PTH2R: variants seen among roughly 807,000 people sequenced by gnomAD.
PTH2R encodes the protein PTH2 receptor.
Under a neutral mutation model 60.3 loss-of-function variants are expected in PTH2R, and 59 were observed. The ratio of observed to expected loss-of-function variants is 0.98; its 90% confidence interval spans 0.79 to 1.22. PTH2R has a LOEUF of 1.22. PTH2R is among the 50% of genes most tolerant of loss of function. The probability of loss-of-function intolerance (pLI) is 0.00; values close to 1 mark genes in which losing one functional copy is unlikely to be tolerated. For synonymous variants in PTH2R, 256 were observed against 243.8 expected, an observed-to-expected ratio of 1.05 and a Z score of -0.47; for missense variants, 749 against 682.6, an observed-to-expected ratio of 1.10 and a Z score of -1.08.
chr2:208,444,003 A>G (rs2105872405), intron 6 of PTH2R, among the ~76,000 whole-genome samples: 1 of 152,240 alleles, frequency 6.6e-6, no homozygotes, highest in East Asian at 1.9e-4. Context: ...GATTGATCCA[A>G]TAATTCACTC....
chr2:208,422,659 C>CT (rs1170757321), intron 1 of PTH2R, among the ~76,000 whole-genome samples: 1 of 151,978 alleles, frequency 6.6e-6, no homozygotes, highest in Non-Finnish European at 1.5e-5. Context: ...AAGAATGCTT[C>CT]TTTTTTTAAA....
intron 4 of PTH2R, 112 bp from the exon 5 acceptor site, chr2:208,442,252 T>TA (rs1449033197): frequency 2.1e-5 from 17 of 819,218 alleles, no homozygotes; most frequent in Admixed American, 1.7e-4. Flanking sequence ...AATTACAGCT[T>TA]AAAAAAGTTA....
rs965929527 is a variant in PTH2R at position 208,437,548 on chromosome 2, T to C, written c.190T>C (p.Phe64Leu). The C allele has an allele frequency of 1.2e-6, 2 of 1,603,708 alleles. No individual in the cohort carries two copies. Among genetic ancestry groups the C allele is most frequent in the Admixed American group, 1.7e-5 (1 of 58,330 alleles). The change falls in exon 3 of 13, where the codon TTC (phenylalanine) becomes CTC (leucine). Residue 64 changes from phenylalanine (F) to leucine (L), a missense_variant. Transcript: ENST00000272847. Reference sequence around the variant, plus strand: ...TTTTTTCTCATTAGAAGGTAATTGTTTCCCTGAATGGGATGGACTCATTTG... The same window carrying C: ...TTTTTTCTCATTAGAAGGTAATTGTCTCCCTGAATGGGATGGACTCATTTG... ...AQLQEGEGNC[F>L]PEWDGLICWP...
At chr2:208,437,937 T>A in intron 4 of PTH2R, 56 bp downstream of exon 4, 1 of 1,576,310 alleles carries the variant, frequency 6.3e-7, no homozygotes, top group Non-Finnish European at 8.7e-7. Context: ...AATATTTTAA[T>A]GCAATTCTCA....
chr2:208,377,778 C>T (rs1280655082), intron 1 of PTH2R, among the ~76,000 whole-genome samples: 8 of 149,040 alleles, frequency 5.4e-5, no homozygotes, highest in South Asian at 4.3e-4. Flanking sequence ...CCAGACGGGG[C>T]GGCGGGGCAG....
chr2:208,435,719 A>C (rs376052007), intron 2 of PTH2R, among the ~76,000 whole-genome samples: 1 of 152,202 alleles, frequency 6.6e-6, no homozygotes, highest in South Asian at 2.1e-4. Context: ...CCTCCCTCAG[A>C]GCCTCCAGAG....
intron 4 of PTH2R, among the ~76,000 whole-genome samples, chr2:208,438,103 T>C (rs1213516690): frequency 1.3e-5 from 2 of 152,006 alleles, no homozygotes; most frequent in Non-Finnish European, 2.9e-5. Flanking sequence ...TCCATACTTA[T>C]ACCTGTGTGT....
At chr2:208,408,766 A>AGAGAGAGAG (rs58836876) in intron 1 of PTH2R, among the ~76,000 whole-genome samples, 373 of 109,558 alleles carry the variant, frequency 3.4e-3, no homozygotes, top group African/African-American at 0.016. Context: ...GAGAGAGAGA[A>AGAGAGAGAG]ATAAATAATA....
chr2:208,373,281 T>C (rs1357964354), intron 1 of PTH2R, among the ~76,000 whole-genome samples: 4 of 152,062 alleles, frequency 2.6e-5, no homozygotes, highest in African/African-American at 9.7e-5. Context: ...TTTTCACCTA[T>C]TGAAAGAATT....
intron 8 of PTH2R, among the ~76,000 whole-genome samples, chr2:208,457,781 A>G (rs1461476435): frequency 6.6e-6 from 1 of 152,182 alleles, no homozygotes; most frequent in African/African-American, 2.4e-5. Context: ...ATGAGAACAT[A>G]TTGCCTCTAT....
rs770712728 is a variant in PTH2R at position 208,459,876 on chromosome 2, C to CT, written c.915-12dup. On this transcript the variant is annotated intron_variant, in intron 8 of 12. Coordinates refer to ENST00000272847, the MANE Select transcript of PTH2R (RefSeq NM_005048.4). ...TGCTTTGCCAATTTATTCATGACAG[C>CT]TTTTTTTCAATGTCTCAGGTGCTGG... 3.1e-6 allele frequency: 5 copies of CT among 1,610,336 alleles called. No homozygotes were observed. Among genetic ancestry groups the CT allele is most frequent in the Admixed American group, 1.7e-5 (1 of 59,576 alleles).
intron 9 of PTH2R, among the ~76,000 whole-genome samples, chr2:208,473,187 G>A (rs551622241): frequency 5.9e-5 from 9 of 152,272 alleles, no homozygotes; most frequent in African/African-American, 2.2e-4. Context: ...CACATGTGTG[G>A]TGTCTTTCTT....
intron 4 of PTH2R, among the ~76,000 whole-genome samples, chr2:208,441,603 T>C (rs555746073): frequency 5.3e-5 from 8 of 152,332 alleles, no homozygotes; most frequent in African/African-American, 1.9e-4. Context: ...ATATGACATT[T>C]ATGAAATGAC....
At chr2:208,414,120 T>C (rs1156293066) in intron 1 of PTH2R, among the ~76,000 whole-genome samples, 2 of 152,092 alleles carry the variant, frequency 1.3e-5, no homozygotes, top group African/African-American at 2.4e-5. Flanking sequence ...CAAGAGACTT[T>C]CCCCCTCCTT....
At chr2:208,363,114 A>G (rs1173901718) in intron 1 of PTH2R, among the ~76,000 whole-genome samples, 4 of 152,054 alleles carry the variant, frequency 2.6e-5, no homozygotes, top group African/African-American at 9.7e-5. Context: ...TGTACAGATT[A>G]TTTGGTCGCC....
Position 208,479,823 on chromosome 2 carries a change from TA to T in PTH2R, c.982-1244del, listed in dbSNP as rs1703104527. On this transcript the variant is annotated intron_variant, in intron 9 of 12. Coordinates refer to ENST00000272847, the MANE Select transcript of PTH2R (RefSeq NM_005048.4). ...GTTAAAGCAGTTAATCTCTTTGAGC[TA>T]AAGTTTCTTCATCCATAACAAATGG... Among the ~76,000 whole-genome samples, 3 of 152,338 alleles carry T rather than the reference TA, an allele frequency of 2.0e-5. No individual in the cohort carries two copies. In the South Asian group the frequency reaches 6.2e-4, roughly 32 times the overall value.
At chr2:208,391,206 T>C (rs368537362) in intron 1 of PTH2R, among the ~76,000 whole-genome samples, 7 of 152,198 alleles carry the variant, frequency 4.6e-5, no homozygotes, top group South Asian at 2.1e-4. Context: ...CCAGAGAAGT[T>C]ACATGCTTAA....
intron 2 of PTH2R, among the ~76,000 whole-genome samples, chr2:208,432,831 G>C (rs887982149): frequency 1.2e-4 from 19 of 152,130 alleles, no homozygotes; most frequent in African/African-American, 4.6e-4. Flanking sequence ...TGAAAACTCA[G>C]CAAGCCAGCT....
intron 12 of PTH2R, 53 bp downstream of exon 12, chr2:208,490,733 C>T: frequency 6.6e-7 from 1 of 1,505,496 alleles, no homozygotes; most frequent in Non-Finnish European, 9.0e-7. Flanking sequence ...AAATGGCCAT[C>T]ACAATGTATC....
Sources: gnomAD v4.1 joint callset for allele counts (sites outside exome capture counted in the v4.1 genomes callset) on GRCh38, gnomAD v4.1.1 for gene constraint, MANE v1.5 for transcripts, NCBI Gene and HGNC (gene_info 2026-07-23, HGNC 2026-07-21) for gene names.